Variants in DNAH9 observed in about 807,000 individuals in gnomAD.
DNAH9 encodes DNAH9 variant protein.
Under a neutral mutation model 471.6 loss-of-function variants are expected in DNAH9, and 345 were observed. That is an observed-to-expected ratio of 0.73 (90% confidence interval 0.67 to 0.80). DNAH9 has a LOEUF of 0.80. Ranked by LOEUF, DNAH9 falls within the 30% of genes least tolerant of loss-of-function variation. The probability of loss-of-function intolerance (pLI) is 0.00; values close to 1 mark genes in which losing one functional copy is unlikely to be tolerated. For synonymous variants in DNAH9, 2,093 were observed against 2,123.6 expected (o/e 0.99, Z 0.40); for missense variants, 5,407 against 5,609.2 (o/e 0.96, Z 1.15).
At chr17:11,888,146 C>A (rs1972939470) in intron 57 of DNAH9, among the ~76,000 whole-genome samples, 1 of 151,848 alleles carries the variant, frequency 6.6e-6, no homozygotes, top group Admixed American at 6.6e-5. Flanking sequence ...CCGCACCTGG[C>A]TAATTTTTTT....
intron 61 of DNAH9, among the ~76,000 whole-genome samples, chr17:11,919,140 T>A (rs72815437): frequency 2.5e-4 from 38 of 152,050 alleles, no homozygotes; most frequent in Non-Finnish European, 5.0e-4. Context: ...TGGAGGCGTG[T>A]CCACCAGAGG....
At position 11,719,452 on chromosome 17, in the gene DNAH9, G is replaced by A. The variant is rs778736498; in HGVS notation, c.5671G>A (p.Val1891Ile). ...KDLGRALGIL[V>I]YVFNCSEQMD... ...CCTGGGCCGCGCACTGGGCATCCTG[G>A]TCTATGTGTTCAACTGCTCGGAGCA... Residue 1891 changes from valine (V) to isoleucine (I), a missense_variant, in exon 27 of 69, where the codon GTC (valine) becomes ATC (isoleucine). By Grantham distance (29) the Val-to-Ile change is conservative. Coordinates refer to ENST00000262442, the MANE Select transcript of DNAH9 (RefSeq NM_001372.4). The A allele has an allele frequency of 2.1e-5, 34 of 1,613,576 alleles. No homozygotes were observed. The South Asian group carries it at 3.6e-4, about 17-fold the overall frequency.
At chr17:11,700,684 C>T (rs2074575876) in intron 23 of DNAH9, among the ~76,000 whole-genome samples, 1 of 152,110 alleles carries the variant, frequency 6.6e-6, no homozygotes, top group Non-Finnish European at 1.5e-5. Flanking sequence ...GAGGGTGGCC[C>T]TGGGGTTTCA....
chr17:11,821,975 G>T lies in DNAH9; in HGVS notation c.8763G>T (p.Val2921=). The T allele has an allele frequency of 3.1e-6, 5 of 1,614,188 alleles. No individual in the cohort carries two copies. The Middle Eastern group carries it at 8.2e-4, about 266-fold the overall frequency. The change falls in exon 46 of 69, where the codon GTG becomes GTT. Residue 2921 remains valine (V), a synonymous_variant. Transcript: ENST00000262442. ...AAGTTGAAAACATCATAAGCAATGT[G>T]AGGAATGAAGTCAAGAGCCAGGGTC... ...DDEVENIISN[V]RNEVKSQGLV...
rs539321381 is a variant in DNAH9, at chr17:11,949,440, A to ACTTATGTTAACTTATG, written c.12843+6955_12843+6956insCTTATGTTAACTTATG. ...CAGAGGAGTTTAGGAAACTGGTTGAATTAACATAAGTAGGTGTCTTTGCTG... is the reference window on the plus strand; with the variant it reads ...CAGAGGAGTTTAGGAAACTGGTTGAACTTATGTTAACTTATGTTAACATAAGTAGGTGTCTTTGCTG... On this transcript the variant is annotated intron_variant, in intron 67 of 68. Coordinates refer to ENST00000262442, the MANE Select transcript of DNAH9 (RefSeq NM_001372.4). 3.9e-3 allele frequency among the ~76,000 whole-genome samples: 588 copies of ACTTATGTTAACTTATG among 151,974 alleles called. 2 individuals carry two copies. Among genetic ancestry groups the ACTTATGTTAACTTATG allele is most frequent in the African/African-American group, 0.012 (504 of 41,488 alleles).
At chr17:11,886,506 CTT>C (rs55645155) in intron 56 of DNAH9, among the ~76,000 whole-genome samples, 296 of 127,182 alleles carry the variant, frequency 2.3e-3, no homozygotes, top group East Asian at 4.4e-3. Flanking sequence ...TTGAGTCATA[CTT>C]TTTTTTTTTT....
intron 68 of DNAH9, among the ~76,000 whole-genome samples, chr17:11,965,582 C>G (rs1188177484): frequency 1.3e-5 from 2 of 152,076 alleles, no homozygotes; most frequent in Admixed American, 6.5e-5. Flanking sequence ...AAAGCAATGG[C>G]CCATACACAA....
intron 61 of DNAH9, among the ~76,000 whole-genome samples, chr17:11,920,035 C>CTTTCTTTTTTTTTTT (rs1555621039): frequency 7.4e-6 from 1 of 135,954 alleles, no homozygotes; most frequent in Non-Finnish European, 1.6e-5. Flanking sequence ...TAAGTTCTTT[C>CTTTCTTTTTTTTTTT]TTTTTTTTTT....
intron 40 of DNAH9, among the ~76,000 whole-genome samples, chr17:11,784,051 C>G (rs1968766448): frequency 6.6e-6 from 1 of 152,092 alleles, no homozygotes; most frequent in African/African-American, 2.4e-5. Context: ...GATTTGGACT[C>G]AGATTCTCTG....
chr17:11,902,793 T>C lies in DNAH9; in HGVS notation c.11481T>C (p.Phe3827=). 1 of 1,613,988 alleles carries C rather than the reference T, an allele frequency of 6.2e-7. No homozygotes were observed. The highest frequency in any genetic ancestry group is 8.5e-7 in the Non-Finnish European group (1 of 1,179,882). The change falls in exon 60 of 69, where the codon TTT becomes TTC. Residue 3827 remains phenylalanine, a synonymous_variant. Transcript: ENST00000262442. ...GATCTGCTAAGAGCTGGAAAAAGTT[T>C]GTGGAGTCCGAATGTCCTGAGAAAG... The part of the protein sequence containing the change: ...IEGSAKSWKK[F]VESECPEKEK...
intron 19 of DNAH9, among the ~76,000 whole-genome samples, chr17:11,687,862 G>A (rs903536173): frequency 2.6e-5 from 4 of 151,908 alleles, no homozygotes; most frequent in East Asian, 1.9e-4. Flanking sequence ...GCAGCCGAGC[G>A]GGATGGCTCA....
chr17:11,789,441 T>C (rs949890513), intron 41 of DNAH9, among the ~76,000 whole-genome samples: 2 of 152,074 alleles, frequency 1.3e-5, no homozygotes, highest in Non-Finnish European at 2.9e-5. Flanking sequence ...TTGTTATCAA[T>C]AGTTGCTAAT....
At chr17:11,695,230 A>G (rs561763162) in intron 22 of DNAH9, among the ~76,000 whole-genome samples, 1 of 152,218 alleles carries the variant, frequency 6.6e-6, no homozygotes, top group South Asian at 2.1e-4. Context: ...GCTGCTCAGC[A>G]TGCCCTCTGG....
At position 11,957,132 on chromosome 17, in the gene DNAH9, A is replaced by AT. The variant is rs1975684549; in HGVS notation, c.12844-4731dup. 2.0e-5 allele frequency among the ~76,000 whole-genome samples: 3 copies of AT among 152,262 alleles called. No individual in the cohort carries two copies. In the South Asian group the frequency reaches 6.2e-4, roughly 32 times the overall value. ...TAAAAGGATTATAAGAATATGAATA[A>AT]TTTTCTGCAATTAAATTCAACTACT... On this transcript the variant is annotated intron_variant, in intron 67 of 68. Coordinates refer to ENST00000262442, the MANE Select transcript of DNAH9 (RefSeq NM_001372.4).
chr17:11,925,682 A>G lies in DNAH9; in HGVS notation c.11877+1741A>G, dbSNP rs62061991. Among the ~76,000 whole-genome samples the G allele has an allele frequency of 5.9e-3, 901 of 152,224 alleles. 7 individuals are homozygous for G. Among genetic ancestry groups the G allele is most frequent in the Non-Finnish European group, 0.01 (690 of 68,010 alleles). On this transcript the variant is annotated intron_variant, in intron 62 of 68. Coordinates refer to ENST00000262442, the MANE Select transcript of DNAH9 (RefSeq NM_001372.4). Reference sequence around the variant, plus strand: ...CTGCCCCCGTTGTCCCCCAGCATCTATTGGCCATGCAGGGCATCAAAATCT... The same window carrying G: ...CTGCCCCCGTTGTCCCCCAGCATCTGTTGGCCATGCAGGGCATCAAAATCT...
intron 17 of DNAH9, among the ~76,000 whole-genome samples, chr17:11,678,557 C>T (rs1339068670): frequency 1.9e-4 from 29 of 152,180 alleles, no homozygotes; most frequent in Admixed American, 1.9e-3. Context: ...TCCTGGCTTC[C>T]ATTTGTGTTG....
intron 53 of DNAH9, among the ~76,000 whole-genome samples, chr17:11,877,667 A>G (rs1042807879): frequency 6.6e-6 from 1 of 152,142 alleles, no homozygotes; most frequent in Non-Finnish European, 1.5e-5. Flanking sequence ...AATTGAACAC[A>G]TGATGTTAAA....
intron 50 of DNAH9, among the ~76,000 whole-genome samples, chr17:11,856,103 C>T (rs746310864): frequency 4.6e-5 from 7 of 152,104 alleles, no homozygotes; most frequent in African/African-American, 9.7e-5. Flanking sequence ...CTGCTACTGC[C>T]CCATTTGACA....
At chr17:11,686,365 A>G (rs1487019732) in intron 19 of DNAH9, among the ~76,000 whole-genome samples, 1 of 152,116 alleles carries the variant, frequency 6.6e-6, no homozygotes, top group Non-Finnish European at 1.5e-5. Flanking sequence ...TTTTAGAGTA[A>G]AATACATTTT....
Sources: gnomAD v4.1 joint callset for allele counts (sites outside exome capture counted in the v4.1 genomes callset) on GRCh38, gnomAD v4.1.1 for gene constraint, MANE v1.5 for transcripts, NCBI Gene and HGNC (gene_info 2026-07-23, HGNC 2026-07-21) for gene names.